USP13: variants seen among roughly 807,000 people sequenced by gnomAD.
USP13 encodes the protein ubiquitin specific peptidase 13.
In USP13, 68 loss-of-function variants were observed where a neutral mutation model predicts 107.8. That is an observed-to-expected ratio of 0.63 (90% CI 0.52 to 0.77). The LOEUF (loss-of-function observed/expected upper bound fraction) is 0.77. Among genes scored for constraint, USP13 ranks in the 30% least tolerant of loss-of-function variants. The pLI is 0.00. For synonymous variants in USP13, 377 were observed against 389.5 expected (o/e 0.97, Z 0.38); for missense variants, 945 against 1,093.3 (o/e 0.86, Z 1.91).
intron 13 of USP13, among the ~76,000 whole-genome samples, chr3:179,751,358 A>G (rs1714604293): frequency 6.6e-6 from 1 of 152,208 alleles, no homozygotes; most frequent in African/African-American, 2.4e-5. Flanking sequence ...CTTATCCCAT[A>G]ATATGTCTAC....
chr3:179,749,742 T>G (rs2108521840), intron 13 of USP13, among the ~76,000 whole-genome samples: 1 of 152,348 alleles, frequency 6.6e-6, no homozygotes, highest in East Asian at 1.9e-4. Flanking sequence ...TGTGTTAAAT[T>G]ATCCCTGCCC....
chr3:179,712,192 G>C (rs376921136), intron 6 of USP13, among the ~76,000 whole-genome samples: 1 of 152,096 alleles, frequency 6.6e-6, no homozygotes, highest in African/African-American at 2.4e-5. Context: ...TGTATCTTTC[G>C]TTTTCTAGAA....
intron 6 of USP13, 59 bp downstream of exon 6, chr3:179,709,016 A>G: frequency 6.4e-7 from 1 of 1,552,392 alleles, no homozygotes; most frequent in Non-Finnish European, 8.7e-7. Context: ...GATTTAACCA[A>G]TCCCTGAATC....
At chr3:179,724,777 A>G (rs1274111598) in intron 8 of USP13, among the ~76,000 whole-genome samples, 1 of 152,210 alleles carries the variant, frequency 6.6e-6, no homozygotes, top group African/African-American at 2.4e-5. Flanking sequence ...AAAATTATCT[A>G]GCGTTTCTTC....
chr3:179,756,900 G>A, intron 15 of USP13, 152 bp from the exon 16 acceptor site: 1 of 694,522 alleles, frequency 1.4e-6, no homozygotes, highest in Non-Finnish European at 2.5e-6. Context: ...TGAGGCTGGG[G>A]TGGTCTGCGT....
Position 179,786,992 on chromosome 3 carries a change from G to C in USP13, c.*2851G>C, listed in dbSNP as rs1715931066. ...ATCTAAATGCCCATATAACTAATCA[G>C]AAATCCAGTTTGGTTCAGATTGGGA... On this transcript the variant is annotated 3_prime_UTR_variant, in exon 21 of 21. Coordinates refer to ENST00000263966, the MANE Select transcript of USP13 (RefSeq NM_003940.3). 1.3e-5 allele frequency: 2 copies of C among 152,112 alleles called. No individual in the cohort carries two copies. The highest frequency in any genetic ancestry group is 4.8e-5 in the African/African-American group (2 of 41,488). 9.4% of individuals were successfully genotyped at this position (152,112 alleles called of 1,614,324 possible).
chr3:179,766,155 T>G (rs1223545842), intron 19 of USP13, among the ~76,000 whole-genome samples: 2 of 152,118 alleles, frequency 1.3e-5, no homozygotes, highest in African/African-American at 4.8e-5. Flanking sequence ...AATTTTTGTA[T>G]TTTTAGTAGA....
rs35286740 is a variant in USP13 at position 179,743,926 on chromosome 3, GTTTTTTTT to G, written c.1535-1105_1535-1098del. Among the ~76,000 whole-genome samples the G allele has an allele frequency of 2.4e-5, 3 of 126,254 alleles. No individual in the cohort carries two copies. The Admixed American group carries it at 2.5e-4, about 10-fold the overall frequency. 82.8% of individuals were successfully genotyped at this position (126,254 alleles called of 152,430 possible). A position where few individuals can be genotyped will look rare whatever the true frequency, so the allele number is the denominator to read the frequency against. ...GTACCTACAAACTGATAAATAAGGA[GTTTTTTTT>G]TTTTTTTTTTTGAGTAATACAAAAG... is the stretch of plus-strand genomic sequence containing the variant. On this transcript the variant is annotated intron_variant, in intron 12 of 20. Coordinates refer to ENST00000263966, the MANE Select transcript of USP13 (RefSeq NM_003940.3).
intron 10 of USP13, among the ~76,000 whole-genome samples, chr3:179,731,970 G>A (rs562058451): frequency 3.3e-5 from 5 of 150,992 alleles, no homozygotes; most frequent in Non-Finnish European, 7.4e-5. Context: ...AAGCCAGCTA[G>A]TTGTGGAAAT....
chr3:179,712,364 A>G (rs1054353584), intron 6 of USP13, among the ~76,000 whole-genome samples: 10 of 152,200 alleles, frequency 6.6e-5, no homozygotes, highest in African/African-American at 2.4e-4. Flanking sequence ...AGTTTAGATA[A>G]ATCAATACAA....
rs778900244 is a variant in USP13, at chr3:179,653,493, C to A, written c.168+100C>A. The stretch of plus-strand genomic sequence containing the variant: ...AGTGGCGGCCGGGACCTCTTCTCTT[C>A]CTCCGGGCGGCAGAGTTGGCTCAGG... On this transcript the variant is annotated intron_variant, in intron 1 of 20. Transcript: ENST00000263966. The surrounding 1 kb of genome is among the most constrained non-coding windows in gnomAD (Gnocchi z 4.0). 2.1e-6 allele frequency: 3 copies of A among 1,454,044 alleles called. No individual in the cohort carries two copies. The highest frequency in any genetic ancestry group is 1.4e-5 in the African/African-American group (1 of 69,844). 90.1% of individuals were successfully genotyped at this position (1,454,044 alleles called of 1,614,324 possible). A position where few individuals can be genotyped will look rare whatever the true frequency, so the allele number is the denominator to read the frequency against.
chr3:179,722,655 C>T (rs1387227140), intron 8 of USP13, among the ~76,000 whole-genome samples: 3 of 152,110 alleles, frequency 2.0e-5, no homozygotes, highest in African/African-American at 7.2e-5. Context: ...TCCAATTTCA[C>T]TCTTTTAGTT....
At chr3:179,667,056 G>A (rs962863142) in intron 1 of USP13, among the ~76,000 whole-genome samples, 12 of 152,300 alleles carry the variant, frequency 7.9e-5, no homozygotes, top group African/African-American at 2.4e-4. Context: ...GTCCTCTCTG[G>A]AACTCTCCTC....
chr3:179,741,127 T>C (rs573758307), intron 11 of USP13, among the ~76,000 whole-genome samples: 6 of 151,996 alleles, frequency 3.9e-5, no homozygotes, highest in Non-Finnish European at 7.4e-5. Context: ...GTGGAAAATA[T>C]AGAAAACACA....
chr3:179,708,994 G>A (rs553088950), intron 6 of USP13, 37 bp downstream of exon 6: 1 of 1,599,286 alleles, frequency 6.3e-7, no homozygotes, highest in East Asian at 2.2e-5. Context: ...AACATGCAGT[G>A]GCTTCCTCTT....
chr3:179,671,696 G>A (rs562609043), intron 1 of USP13, among the ~76,000 whole-genome samples: 2 of 152,178 alleles, frequency 1.3e-5, no homozygotes, highest in South Asian at 4.2e-4. Context: ...GGCCATTTGG[G>A]TTACTTCTTT....
rs551537909 is a variant in USP13 at position 179,699,794 on chromosome 3, C to G, written c.356-1214C>G. ...TTATTTATTTATTTATTTATTTTTA[C>G]TACAAACTGCCCTACCTTTGGGAAT... On this transcript the variant is annotated intron_variant, in intron 3 of 20. Coordinates refer to ENST00000263966, the MANE Select transcript of USP13 (RefSeq NM_003940.3). Among the ~76,000 whole-genome samples the G allele has an allele frequency of 8.6e-5, 11 of 128,540 alleles. No homozygotes were observed. The South Asian group carries it at 1.9e-3, about 23-fold the overall frequency. The allele number at this position is 128,540 out of a possible 152,430, so 84.3% of individuals were successfully genotyped here.
chr3:179,776,180 T>C (rs1391849262), intron 19 of USP13, among the ~76,000 whole-genome samples: 1 of 152,162 alleles, frequency 6.6e-6, no homozygotes, highest in Admixed American at 6.5e-5. Context: ...GCAACTTTTT[T>C]CTCTAATGAA....
chr3:179,774,690 CT>C (rs749266419), intron 19 of USP13, among the ~76,000 whole-genome samples: 14 of 152,204 alleles, frequency 9.2e-5, no homozygotes, highest in Admixed American at 2.0e-4. Context: ...AAGAACAAAC[CT>C]TCCACAGTTT....
Sources: allele counts gnomAD v4.1 joint callset (sites outside exome capture counted in the v4.1 genomes callset), GRCh38; gene constraint gnomAD v4.1.1; non-coding constraint Gnocchi (gnomAD v3.1); transcripts MANE v1.5; gene names NCBI Gene and HGNC (gene_info 2026-07-23, HGNC 2026-07-21).